The following HADHB variants were observed in gnomAD, a reference collection of about 807,000 sequenced individuals.
HADHB encodes trifunctional enzyme subunit beta, mitochondrial.
Under a neutral mutation model 61.9 loss-of-function variants are expected in HADHB, and 50 were observed. The ratio of observed to expected loss-of-function variants is 0.81; its 90% confidence interval spans 0.64 to 1.02. The LOEUF is 1.02. HADHB is among the 50% of genes least tolerant of loss of function. The pLI, the probability that HADHB is intolerant of heterozygous loss-of-function variation, is 0.00. For synonymous variants in HADHB, 191 were observed against 201.6 expected, an observed-to-expected ratio of 0.95 and a Z score of 0.45; for missense variants, 504 against 586.5, an observed-to-expected ratio of 0.86 and a Z score of 1.45.
chr2:26,282,806 G>A, intron 10 of HADHB, 39 bp from the exon 11 acceptor site: 2 of 1,453,754 alleles, frequency 1.4e-6, no homozygotes, highest in South Asian at 1.1e-5. Flanking sequence ...CCTCCAGACA[G>A]GCTGAAGAAT....
At chr2:26,245,414 C>G (rs561626111) in intron 1 of HADHB, 1 of 152,164 alleles carries the variant, frequency 6.6e-6, no homozygotes, top group African/African-American at 2.4e-5. Context: ...TGGGTTTGCC[C>G]GATTTCTGCT....
At chr2:26,266,805 A>G (rs1266389294) in intron 4 of HADHB, among the ~76,000 whole-genome samples, 1 of 138,606 alleles carries the variant, frequency 7.2e-6, no homozygotes, top group Non-Finnish European at 1.5e-5. Flanking sequence ...TCTTGAGCCC[A>G]GGAAGCACGT....
intron 3 of HADHB, among the ~76,000 whole-genome samples, chr2:26,262,150 T>G (rs1042428969): frequency 9.2e-5 from 14 of 152,222 alleles, no homozygotes; most frequent in African/African-American, 3.4e-4. Context: ...TTGTAGATGT[T>G]TACTATAAAT....
At chr2:26,282,071 G>A (rs1056766426) in intron 10 of HADHB, among the ~76,000 whole-genome samples, 11 of 151,766 alleles carry the variant, frequency 7.2e-5, no homozygotes, top group East Asian at 1.9e-4. Flanking sequence ...TGGTTTGCTC[G>A]TTACAGAATA....
intron 1 of HADHB, among the ~76,000 whole-genome samples, chr2:26,249,323 C>T (rs1010194415): frequency 2.6e-5 from 4 of 151,972 alleles, no homozygotes; most frequent in African/African-American, 9.7e-5. Context: ...CCAGCCTGAT[C>T]AACACGGTGA....
chr2:26,268,328 G>T (rs559827240), intron 4 of HADHB, among the ~76,000 whole-genome samples: 1 of 152,104 alleles, frequency 6.6e-6, no homozygotes, highest in Non-Finnish European at 1.5e-5. Flanking sequence ...ACATACGTCC[G>T]CAAAGTCTGT....
chr2:26,257,794 C>A (rs951046313), intron 3 of HADHB, among the ~76,000 whole-genome samples: 6 of 151,884 alleles, frequency 4.0e-5, no homozygotes, highest in Non-Finnish European at 5.9e-5. Flanking sequence ...CTGAGGCAGG[C>A]GGATCACGAG....
At chr2:26,246,620 T>A (rs1013324517) in intron 1 of HADHB, among the ~76,000 whole-genome samples, 1 of 152,062 alleles carries the variant, frequency 6.6e-6, no homozygotes, top group African/African-American at 2.4e-5. Context: ...GGATTACAAG[T>A]GTGAGCCACC....
rs548867305 is a variant in HADHB, at chr2:26,252,928, A to G, written c.-8-1319A>G. Reference sequence around the variant, plus strand: ...CTGTGCCAGTTCTCTTGGCAGCAGTATATGAGAATATCTATTTGCACATAC... The same window carrying G: ...CTGTGCCAGTTCTCTTGGCAGCAGTGTATGAGAATATCTATTTGCACATAC... On this transcript the variant is annotated intron_variant, in intron 1 of 15. Transcript: ENST00000317799. Among the ~76,000 whole-genome samples the G allele has an allele frequency of 2.4e-4, 36 of 152,274 alleles. 1 individual carries two copies. The highest frequency in any genetic ancestry group is 4.6e-4 in the Non-Finnish European group (31 of 68,044).
At chr2:26,287,816 G>T (rs927488825) in intron 15 of HADHB, among the ~76,000 whole-genome samples, 1 of 152,156 alleles carries the variant, frequency 6.6e-6, no homozygotes, top group Non-Finnish European at 1.5e-5. Flanking sequence ...AGGGTGTTTA[G>T]CATGGCCTCT....
intron 1 of HADHB, among the ~76,000 whole-genome samples, chr2:26,246,347 C>CTTT (rs35129524): frequency 0.025 from 3,583 of 144,130 alleles, 57 homozygotes; most frequent in African/African-American, 0.039. Flanking sequence ...TTGTTTACAA[C>CTTT]TTTTTTTTTT....
intron 14 of HADHB, 60 bp downstream of exon 14, chr2:26,285,017 A>C: frequency 1.2e-6 from 1 of 860,420 alleles, no homozygotes; most frequent in Non-Finnish European, 2.0e-6. Context: ...ATTGGATCTT[A>C]GTTACCTGTT....
intron 1 of HADHB, among the ~76,000 whole-genome samples, chr2:26,250,990 A>G (rs917286994): frequency 1.3e-5 from 2 of 150,926 alleles, no homozygotes; most frequent in African/African-American, 4.8e-5. Context: ...ATTTTTTCCA[A>G]ATGTTTAGCC....
At chr2:26,271,618 T>C (rs1225431725) in intron 5 of HADHB, among the ~76,000 whole-genome samples, 1 of 152,204 alleles carries the variant, frequency 6.6e-6, no homozygotes, top group African/African-American at 2.4e-5. Context: ...TTTCTCTGTA[T>C]GCATATTTTC....
At chr2:26,266,108 G>A (rs1274586032) in intron 4 of HADHB, among the ~76,000 whole-genome samples, 1 of 151,202 alleles carries the variant, frequency 6.6e-6, no homozygotes, top group East Asian at 1.9e-4. Flanking sequence ...AAAAAAAAAG[G>A]TGTTTTAATT....
chr2:26,247,156 C>T (rs1264482458), intron 1 of HADHB, among the ~76,000 whole-genome samples: 1 of 152,130 alleles, frequency 6.6e-6, no homozygotes, highest in Non-Finnish European at 1.5e-5. Context: ...TCTTCCTTTC[C>T]CTTGCTCCCA....
chr2:26,287,676 A>G (rs1190960561), intron 15 of HADHB, among the ~76,000 whole-genome samples: 1 of 152,248 alleles, frequency 6.6e-6, no homozygotes, highest in Non-Finnish European at 1.5e-5. Context: ...ATCAAGAGCC[A>G]CGTGAGCAAT....
intron 3 of HADHB, among the ~76,000 whole-genome samples, chr2:26,259,088 G>C (rs755906789): frequency 6.6e-6 from 1 of 152,142 alleles, no homozygotes. Context: ...AAATCCCCTC[G>C]AACTTGGAAA....
chr2:26,265,902 T>TA (rs947551441), intron 4 of HADHB, among the ~76,000 whole-genome samples: 65 of 151,838 alleles, frequency 4.3e-4, no homozygotes, highest in African/African-American at 1.6e-3. Flanking sequence ...CAAAAGTCAC[T>TA]AAAAAATAAC....
Sources: allele counts gnomAD v4.1 joint callset (sites outside exome capture counted in the v4.1 genomes callset), GRCh38; gene constraint gnomAD v4.1.1; transcripts MANE v1.5; gene names NCBI Gene and HGNC (gene_info 2026-07-23, HGNC 2026-07-21).